The following NOL4 variants were observed in gnomAD, a reference collection of about 807,000 sequenced individuals.
NOL4 encodes cancer/testis antigen 125.
Under a neutral mutation model 75.9 loss-of-function variants are expected in NOL4, and 17 were observed. The ratio of observed to expected loss-of-function variants is 0.22; its 90% confidence interval spans 0.15 to 0.34. The LOEUF is 0.34. Ranked by LOEUF, NOL4 falls within the 10% of genes least tolerant of loss-of-function variation. The pLI is 1.00. For missense variants in NOL4, 614 were observed against 793.5 expected, an observed-to-expected ratio of 0.77 and a Z score of 2.72; for synonymous variants, 292 against 289.9, an observed-to-expected ratio of 1.01 and a Z score of -0.07.
At chr18:34,184,697 A>G (rs1249978237) in intron 1 of NOL4, among the ~76,000 whole-genome samples, 3 of 152,162 alleles carry the variant, frequency 2.0e-5, no homozygotes, top group Non-Finnish European at 4.4e-5. Context: ...TTCACAAAAC[A>G]TTAGGGGATA....
At chr18:34,012,390 G>A (rs982279529) in intron 6 of NOL4, among the ~76,000 whole-genome samples, 3 of 151,390 alleles carry the variant, frequency 2.0e-5, no homozygotes, top group African/African-American at 7.3e-5. Flanking sequence ...TCTTTCTTAT[G>A]TATCATTTTA....
chr18:34,027,901 A>G (rs985741843), intron 5 of NOL4, among the ~76,000 whole-genome samples: 1 of 152,226 alleles, frequency 6.6e-6, no homozygotes, highest in Admixed American at 6.5e-5. Context: ...AATAGAAAGG[A>G]TTCCCAGATA....
intron 1 of NOL4, among the ~76,000 whole-genome samples, chr18:34,131,818 T>C (rs2080665179): frequency 6.6e-6 from 1 of 152,166 alleles, no homozygotes; most frequent in Admixed American, 6.5e-5. Flanking sequence ...TGCTAGTAGC[T>C]GGAGTTAGCA....
chr18:34,178,141 A>G (rs1455234994), intron 1 of NOL4, among the ~76,000 whole-genome samples: 1 of 151,812 alleles, frequency 6.6e-6, no homozygotes, highest in East Asian at 1.9e-4. Context: ...CAAGTTTTAT[A>G]TACTATTGAT....
chr18:33,906,219 C>T (rs1015766493), intron 9 of NOL4, among the ~76,000 whole-genome samples: 2 of 152,104 alleles, frequency 1.3e-5, no homozygotes, highest in African/African-American at 4.8e-5. Context: ...AGTCATGACC[C>T]GACCAAGGAT....
chr18:33,985,160 T>C (rs1310829343), intron 6 of NOL4, among the ~76,000 whole-genome samples: 1 of 152,122 alleles, frequency 6.6e-6, no homozygotes, highest in Non-Finnish European at 1.5e-5. Context: ...ATGAGTAACA[T>C]TAACTATTTT....
intron 6 of NOL4, among the ~76,000 whole-genome samples, chr18:33,960,160 G>A (rs2069991876): frequency 6.6e-6 from 1 of 151,910 alleles, no homozygotes; most frequent in Non-Finnish European, 1.5e-5. Flanking sequence ...ATTATCACTT[G>A]CTATAAAATT....
At chr18:34,129,383 T>G (rs2145899275) in intron 2 of NOL4, among the ~76,000 whole-genome samples, 1 of 151,854 alleles carries the variant, frequency 6.6e-6, no homozygotes, top group African/African-American at 2.4e-5. Flanking sequence ...TCAGGATAAA[T>G]ACATTGAATA....
intron 9 of NOL4, among the ~76,000 whole-genome samples, chr18:33,886,938 A>G (rs2064741049): frequency 7.5e-6 from 1 of 134,194 alleles, no homozygotes; most frequent in Admixed American, 7.6e-5. Flanking sequence ...CTATATATCT[A>G]TATATCTAGA....
chr18:33,950,923 C>G (rs890482708), intron 8 of NOL4, among the ~76,000 whole-genome samples: 2 of 152,064 alleles, frequency 1.3e-5, no homozygotes, highest in Non-Finnish European at 2.9e-5. Context: ...CAGGTACTGT[C>G]CTAGGAGTTT....
At chr18:33,991,850 A>G (rs2072940333) in intron 6 of NOL4, among the ~76,000 whole-genome samples, 1 of 152,050 alleles carries the variant, frequency 6.6e-6, no homozygotes, top group Non-Finnish European at 1.5e-5. Context: ...TCTATCGAAC[A>G]GTGTTGCTCC....
intron 1 of NOL4, among the ~76,000 whole-genome samples, chr18:34,134,717 T>C (rs1293457886): frequency 6.6e-6 from 1 of 152,136 alleles, no homozygotes; most frequent in Non-Finnish European, 1.5e-5. Context: ...CATGCTATCA[T>C]AAAACAAGCC....
At chr18:34,207,175 T>C (rs972899526) in intron 1 of NOL4, among the ~76,000 whole-genome samples, 1 of 152,190 alleles carries the variant, frequency 6.6e-6, no homozygotes, top group Non-Finnish European at 1.5e-5. Flanking sequence ...AATTCCAACA[T>C]CTGGTCCAAC....
intron 6 of NOL4, among the ~76,000 whole-genome samples, chr18:33,998,306 A>G (rs1335774882): frequency 6.6e-6 from 1 of 152,108 alleles, no homozygotes; most frequent in African/African-American, 2.4e-5. Context: ...ACTAAAAAAG[A>G]AAGAGTTGAT....
At chr18:34,104,919 T>C (rs2079198935) in intron 3 of NOL4, 130 bp downstream of exon 3, 3 of 565,258 alleles carry the variant, frequency 5.3e-6, no homozygotes, top group Middle Eastern at 2.7e-4. Flanking sequence ...CACTGCCTCC[T>C]ACTTGAATAA....
At chr18:34,186,452 T>G (rs999272822) in intron 1 of NOL4, among the ~76,000 whole-genome samples, 10 of 152,326 alleles carry the variant, frequency 6.6e-5, no homozygotes, top group Non-Finnish European at 1.5e-4. Context: ...CCTGTAAGCC[T>G]CCTTCCTTAT....
chr18:33,992,668 C>A (rs922767609), intron 6 of NOL4, among the ~76,000 whole-genome samples: 1 of 152,082 alleles, frequency 6.6e-6, no homozygotes. Flanking sequence ...AAGATCTCAG[C>A]ATTTCTCATC....
chr18:33,878,191 A>G (rs1036386811), intron 10 of NOL4, among the ~76,000 whole-genome samples: 1 of 152,134 alleles, frequency 6.6e-6, no homozygotes, highest in Non-Finnish European at 1.5e-5. Context: ...TTAACAATGC[A>G]TAACAAAACT....
At chr18:33,910,621 A>T (rs2145132679) in intron 9 of NOL4, among the ~76,000 whole-genome samples, 1 of 151,874 alleles carries the variant, frequency 6.6e-6, no homozygotes, top group East Asian at 1.9e-4. Flanking sequence ...ATACTCTTCA[A>T]TTATTTATTT....
Sources: gnomAD v4.1 joint callset for allele counts (sites outside exome capture counted in the v4.1 genomes callset) on GRCh38, gnomAD v4.1.1 for gene constraint, MANE v1.5 for transcripts, NCBI Gene and HGNC (gene_info 2026-07-23, HGNC 2026-07-21) for gene names.